The following CASP6 variants were observed in gnomAD, a reference collection of about 807,000 sequenced individuals.
The protein encoded by CASP6 is caspase-6.
Under a neutral mutation model 31.8 loss-of-function variants are expected in CASP6, and 20 were observed. The ratio of observed to expected loss-of-function variants is 0.63; its 90% confidence interval spans 0.44 to 0.91. The LOEUF is 0.91. CASP6 is among the 40% of genes least tolerant of loss of function. The pLI, the probability that CASP6 is intolerant of heterozygous loss-of-function variation, is 0.00. For missense variants in CASP6, 328 were observed against 361.1 expected (o/e 0.91, Z 0.74); for synonymous variants, 130 against 127.8 (o/e 1.02, Z -0.12).
downstream of CASP6, chr4:109,685,247 T>TC: frequency 8.4e-7 from 1 of 1,190,668 alleles, no homozygotes; most frequent in Non-Finnish European, 1.2e-6. Context: ...TCTTTTTTTT[T>TC]AAGGATTATA....
chr4:109,683,698 C>T (rs1729767087), downstream of CASP6, among the ~76,000 whole-genome samples: 1 of 152,136 alleles, frequency 6.6e-6, no homozygotes, highest in African/African-American at 2.4e-5. Context: ...AGCTTCATTA[C>T]AGTTGTGTAA....
chr4:109,692,600 T>G (rs1579107327), intron 5 of CASP6: 1 of 152,386 alleles, frequency 6.6e-6, no homozygotes, highest in African/African-American at 2.4e-5. Flanking sequence ...TCCTCCTCAG[T>G]ATCTTCCCTC....
At chr4:109,680,390 C>T in the CASP6 span, among the ~76,000 whole-genome samples, 1 of 152,154 alleles carries the variant, frequency 6.6e-6, no homozygotes, top group East Asian at 1.9e-4. Flanking sequence ...CCCATTCTGT[C>T]ATTCTTTCTT....
chr4:109,674,209 T>A, the CASP6 span: 1 of 790,750 alleles, frequency 1.3e-6, no homozygotes, highest in Middle Eastern at 3.6e-4. Context: ...GGAAATAAAC[T>A]AATTTGTATG....
At position 109,698,220 on chromosome 4, in the gene CASP6, C is replaced by G. The variant is rs1368365481; in HGVS notation, c.83+80G>C. 4 of 1,446,908 alleles carry G rather than the reference C, an allele frequency of 2.8e-6. No individual in the cohort carries two copies. In the Admixed American group the frequency reaches 8.8e-5, roughly 32 times the overall value. 89.6% of individuals were successfully genotyped at this position (1,446,908 alleles called of 1,614,324 possible). On this transcript the variant is annotated intron_variant, in intron 2 of 6. Transcript: ENST00000265164. ...CAGTTTTACTTCCTAGCTCCCAGGA[C>G]CCATTCTTGCTTTGATTTCTGTAGG...
the CASP6 span, among the ~76,000 whole-genome samples, chr4:109,664,838 T>C: frequency 1.3e-5 from 2 of 152,236 alleles, no homozygotes; most frequent in Non-Finnish European, 2.9e-5. Context: ...TTCAGGATTT[T>C]ACTTTAGGAT....
chr4:109,689,640 A>G (rs2126155306), intron 6 of CASP6, 72 bp from the exon 7 acceptor site: 2 of 1,335,282 alleles, frequency 1.5e-6, no homozygotes, highest in South Asian at 1.3e-5. Context: ...CTTTTTAGTT[A>G]CAGAAGTATA....
At chr4:109,665,904 A>G in the CASP6 span, among the ~76,000 whole-genome samples, 6 of 151,906 alleles carry the variant, frequency 3.9e-5, no homozygotes, top group Admixed American at 3.9e-4. Flanking sequence ...TACAACAGGG[A>G]AAATACTAAA....
chr4:109,678,195 G>A, the CASP6 span, among the ~76,000 whole-genome samples: 2 of 151,982 alleles, frequency 1.3e-5, no homozygotes, highest in Admixed American at 1.3e-4. Context: ...AGAACAAAAT[G>A]GAGTCTCCTA....
intron 2 of CASP6, 28 bp from the exon 3 acceptor site, chr4:109,697,796 A>C (rs184966418): frequency 5.7e-5 from 92 of 1,604,290 alleles, no homozygotes; most frequent in Non-Finnish European, 7.7e-5. Flanking sequence ...AAAAACAATC[A>C]CTTCAAGTCA....
the CASP6 span, among the ~76,000 whole-genome samples, chr4:109,675,284 C>G: frequency 6.6e-6 from 1 of 152,216 alleles, no homozygotes; most frequent in Non-Finnish European, 1.5e-5. Flanking sequence ...TGCCACTTGA[C>G]AAAGACTCTC....
the CASP6 span, among the ~76,000 whole-genome samples, chr4:109,673,338 G>A: frequency 6.6e-6 from 1 of 152,134 alleles, no homozygotes; most frequent in African/African-American, 2.4e-5. Flanking sequence ...TAAGCCTTAG[G>A]TCTAAGTGGG....
At chr4:109,690,247 A>ACACAC (rs71300773) in intron 6 of CASP6, among the ~76,000 whole-genome samples, 2 of 143,398 alleles carry the variant, frequency 1.4e-5, no homozygotes, top group African/African-American at 5.3e-5. Context: ...AAAAAAAAAA[A>ACACAC]ACGCACGCAC....
upstream of CASP6, among the ~76,000 whole-genome samples, chr4:109,706,154 T>TATATATATATATAC (rs1730611000): frequency 2.2e-5 from 2 of 91,028 alleles, no homozygotes; most frequent in African/African-American, 1.3e-4. Flanking sequence ...TATATATATA[T>TATATATATATATAC]ATATATATAT....
chr4:109,696,396 G>A lies in CASP6; in HGVS notation c.307+14C>T. The A allele has an allele frequency of 6.3e-7, 1 of 1,597,052 alleles. No homozygotes were observed. The highest frequency in any genetic ancestry group is 1.1e-5 in the South Asian group (1 of 90,310). On this transcript the variant is annotated intron_variant, in intron 4 of 6. Transcript: ENST00000265164. Reference sequence around the variant, plus strand: ...TTAGAGGAAGATGAACTATATGATAGCAAAACTACCTACCCTCATGAATTT... The same window carrying A: ...TTAGAGGAAGATGAACTATATGATAACAAAACTACCTACCCTCATGAATTT...
chr4:109,673,870 C>T, the CASP6 span: 96 of 770,044 alleles, frequency 1.2e-4, no homozygotes, highest in Non-Finnish European at 2.2e-4. Flanking sequence ...TGTTTCTCTT[C>T]CTTCATATGA....
chr4:109,705,993 AAAAAAAAAATAT>A (rs1201717337), upstream of CASP6, among the ~76,000 whole-genome samples: 9 of 67,838 alleles, frequency 1.3e-4, no homozygotes, highest in African/African-American at 4.8e-4. Context: ...AAAAAAAAAA[AAAAAAAAAATAT>A]ATATATATAT....
At chr4:109,679,787 T>TTTGTTGTTGTTGTTGTTGTTGTTG in the CASP6 span, among the ~76,000 whole-genome samples, 6 of 151,564 alleles carry the variant, frequency 4.0e-5, no homozygotes, top group African/African-American at 1.2e-4. Context: ...GAGGTATAAT[T>TTTGTTGTTGTTGTTGTTGTTGTTG]TTGTTGTTGT....
At chr4:109,693,146 GCT>G (rs1286049274) in intron 5 of CASP6, among the ~76,000 whole-genome samples, 1 of 152,186 alleles carries the variant, frequency 6.6e-6, no homozygotes, top group African/African-American at 2.4e-5. Context: ...TCATATGCTG[GCT>G]CTCTGTCACC....
Sources: allele counts gnomAD v4.1 joint callset (sites outside exome capture counted in the v4.1 genomes callset), GRCh38; gene constraint gnomAD v4.1.1; transcripts MANE v1.5; gene names NCBI Gene and HGNC (gene_info 2026-07-23, HGNC 2026-07-21).